The following DMTN variants were observed in gnomAD, a reference collection of about 807,000 sequenced individuals.
DMTN encodes dematin actin binding protein, also known as dematin.
In DMTN, 27 loss-of-function variants were observed where a neutral mutation model predicts 59.4. The ratio of observed to expected loss-of-function variants is 0.45; its 90% CI spans 0.33 to 0.63. The LOEUF (loss-of-function observed/expected upper bound fraction) is 0.63, where lower values mean the gene tolerates loss of function less well. Ranked by LOEUF, DMTN falls within the 20% of genes least tolerant of loss-of-function variation. The pLI is 0.02. For synonymous variants in DMTN, 221 were observed against 203.7 expected, an observed-to-expected ratio of 1.08 and a Z score of -0.72; for missense variants, 451 against 528.9, an observed-to-expected ratio of 0.85 and a Z score of 1.45.
At position 22,081,840 on chromosome 8, in the gene DMTN, G is replaced by T. The variant is rs142482023; in HGVS notation, c.*377G>T. On this transcript the variant is annotated 3_prime_UTR_variant, in exon 16 of 16. Coordinates refer to ENST00000358242, the MANE Select transcript of DMTN (RefSeq NM_001387751.1). ...GAGGGAAGATGCAGGGGTGGGAAGC[G>T]GCCAGGCAGAAAGAGCTCCAGGCTC... 4 of 470,064 alleles carry T rather than the reference G, an allele frequency of 8.5e-6. No individual in the cohort carries two copies. The highest frequency in any genetic ancestry group is 3.2e-4 in the Middle Eastern group (1 of 3,130). The allele number at this position is 470,064 out of a possible 1,614,324, so 29.1% of individuals were successfully genotyped here.
intron 10 of DMTN, among the ~76,000 whole-genome samples, chr8:22,076,417 CA>C (rs1204113431): frequency 2.6e-5 from 4 of 151,976 alleles, no homozygotes; most frequent in African/African-American, 7.3e-5. Context: ...TCAGTCTGGG[CA>C]ACGTAGTGAG....
intron 10 of DMTN, among the ~76,000 whole-genome samples, chr8:22,074,818 G>C (rs1818453116): frequency 6.6e-6 from 1 of 152,106 alleles, no homozygotes; most frequent in Non-Finnish European, 1.5e-5. Context: ...CACTACCCTG[G>C]GCTTCCTCAG....
At position 22,058,552 on chromosome 8, in the gene DMTN, G is replaced by A. The variant is rs746077014; in HGVS notation, c.-172+1416G>A. 1.5e-4 allele frequency among the ~76,000 whole-genome samples: 23 copies of A among 152,168 alleles called. No individual in the cohort carries two copies. Among genetic ancestry groups the A allele is most frequent in the African/African-American group, 2.4e-4 (10 of 41,420 alleles). On this transcript the variant is annotated intron_variant, in intron 1 of 15. Coordinates refer to ENST00000358242, the MANE Select transcript of DMTN (RefSeq NM_001387751.1). The surrounding 1 kb of genome is among the most constrained non-coding windows in gnomAD (Gnocchi z 4.3). ...TAGGAGAAGATGGCTGCACAGATGC[G>A]TCTCTGGGTGGGCTAGAGAGGCAGG...
chr8:22,062,692 A>C (rs1585764202), intron 1 of DMTN, among the ~76,000 whole-genome samples: 1 of 125,696 alleles, frequency 8.0e-6, no homozygotes, highest in African/African-American at 3.1e-5. Flanking sequence ...ATCCCTAACC[A>C]CGAGGCCACT....
Position 22,066,787 on chromosome 8 carries a change from G to T in DMTN, c.-89G>T. The stretch of plus-strand genomic sequence containing the variant: ...GCTTTCGCGGCCCCAAGCGCGCAGC[G>T]CCCAGCAGCCGCGCCGAGCCTGACA... On this transcript the variant is annotated 5_prime_UTR_variant, in exon 2 of 16. Transcript: ENST00000358242. 7.3e-7 allele frequency: 1 copy of T among 1,373,962 alleles called. No homozygotes were observed. The highest frequency in any genetic ancestry group is 9.5e-7 in the Non-Finnish European group (1 of 1,052,424). 85.1% of individuals were successfully genotyped at this position (1,373,962 alleles called of 1,614,324 possible). A position where few individuals can be genotyped will look rare whatever the true frequency, so the allele number is the denominator to read the frequency against.
chr8:22,080,944 G>A, intron 14 of DMTN, 74 bp downstream of exon 14: 1 of 1,515,682 alleles, frequency 6.6e-7, no homozygotes. Context: ...GGAATGTGCT[G>A]CGGGGTCTTC....
upstream of DMTN, chr8:22,049,008 T>G (rs1801046426): frequency 1.4e-5 from 2 of 147,892 alleles, no homozygotes; most frequent in South Asian, 4.2e-4. Context: ...GGCTCGGGTT[T>G]CCTGGGCTCG....
upstream of DMTN, among the ~76,000 whole-genome samples, chr8:22,050,861 A>G (rs1801283306): frequency 6.6e-6 from 1 of 152,100 alleles, no homozygotes. Context: ...AGGCACTGCC[A>G]TTCCCCAGGT....
At chr8:22,049,198 T>A, upstream of DMTN, 1 of 142,284 alleles carries the variant, frequency 7.0e-6, no homozygotes. Context: ...AGGAGCCTCC[T>A]CGGGCAGCGA....
intron 1 of DMTN, among the ~76,000 whole-genome samples, chr8:22,064,168 GGATA>G (rs528594827): frequency 2.0e-5 from 3 of 152,108 alleles, no homozygotes; most frequent in Non-Finnish European, 4.4e-5. Context: ...ATGGATGGAT[GGATA>G]GATGAATGCA....
intron 10 of DMTN, among the ~76,000 whole-genome samples, chr8:22,079,303 A>ATATATATATATATGTAG (rs67715172): frequency 5.7e-5 from 3 of 52,220 alleles, no homozygotes; most frequent in Non-Finnish European, 1.2e-4. Context: ...TATATATATT[A>ATATATATATATATGTAG]GCTGGGTTTG....
chr8:22,076,123 G>T (rs188334942), intron 10 of DMTN, among the ~76,000 whole-genome samples: 1 of 152,276 alleles, frequency 6.6e-6, no homozygotes, highest in African/African-American at 2.4e-5. Context: ...AAGAGAGGCG[G>T]ATTTTCAGGG....
At chr8:22,070,142 G>A (rs760183886) in intron 7 of DMTN, 40 bp from the exon 8 acceptor site, 12 of 1,559,168 alleles carry the variant, frequency 7.7e-6, no homozygotes, top group South Asian at 2.4e-5. Flanking sequence ...AGTTGGCCTC[G>A]GGCAGGGCAC....
At chr8:22,067,014 C>A (rs1585870449) in intron 2 of DMTN, 71 bp from the exon 3 acceptor site, 2 of 1,435,662 alleles carry the variant, frequency 1.4e-6, no homozygotes, top group Non-Finnish European at 1.8e-6. Flanking sequence ...GTCCCCCAGG[C>A]CTAGGGCCGC....
chr8:22,066,787 GC>G lies in DMTN; in HGVS notation c.-86del. On this transcript the variant is annotated 5_prime_UTR_variant, in exon 2 of 16. The change abolishes the stop of an existing upstream ORF in the 5' untranslated region. Transcript: ENST00000358242. ...GCTTTCGCGGCCCCAAGCGCGCAGC[GC>G]CCAGCAGCCGCGCCGAGCCTGACAC... 1 of 1,373,960 alleles carries G rather than the reference GC, an allele frequency of 7.3e-7. No individual in the cohort carries two copies. The highest frequency in any genetic ancestry group is 9.5e-7 in the Non-Finnish European group (1 of 1,052,424). 85.1% of individuals were successfully genotyped at this position (1,373,960 alleles called of 1,614,324 possible).
chr8:22,065,728 G>A (rs373705619), intron 1 of DMTN, among the ~76,000 whole-genome samples: 4 of 151,870 alleles, frequency 2.6e-5, no homozygotes, highest in East Asian at 2.0e-4. Flanking sequence ...CCAGCTACTC[G>A]GGAGGCTGAG....
chr8:22,051,523 G>A (rs910091146), upstream of DMTN, among the ~76,000 whole-genome samples: 2 of 152,050 alleles, frequency 1.3e-5, no homozygotes, highest in African/African-American at 4.8e-5. Context: ...GCAAAGAACC[G>A]TTTCTCCTTA....
chr8:22,081,102 C>G lies in DMTN; in HGVS notation c.1024-11C>G. On this transcript the variant is annotated splice_polypyrimidine_tract_variant and intron_variant, in intron 14 of 15. Coordinates refer to ENST00000358242, the MANE Select transcript of DMTN (RefSeq NM_001387751.1). ...CTGTGAGCCTAAGATTGCCCCTCCC[C>G]CCACCCCCAGATCTATCCCTATGAA... 2 of 790,266 alleles carry G rather than the reference C, an allele frequency of 2.5e-6. No individual in the cohort carries two copies. Among genetic ancestry groups the G allele is most frequent in the South Asian group, 1.3e-5 (1 of 75,030 alleles). The allele number at this position is 790,266 out of a possible 1,614,324, so 49.0% of individuals were successfully genotyped here. A position where few individuals can be genotyped will look rare whatever the true frequency, so the allele number is the denominator to read the frequency against.
Position 22,082,445 on chromosome 8 carries a change from G to A in DMTN, c.*982G>A. On this transcript the variant is annotated 3_prime_UTR_variant, in exon 16 of 16. Transcript: ENST00000358242. ...TGGGTATTGCTCCTGCCCAGACCCTGACATCCCTTTCCACTGTGTGTGTGA... is the reference window on the plus strand; with the variant it reads ...TGGGTATTGCTCCTGCCCAGACCCTAACATCCCTTTCCACTGTGTGTGTGA... 2.9e-6 allele frequency: 1 copy of A among 344,136 alleles called. No homozygotes were observed. Among genetic ancestry groups the A allele is most frequent in the South Asian group, 2.3e-5 (1 of 44,254 alleles). 21.3% of individuals were successfully genotyped at this position (344,136 alleles called of 1,614,324 possible).
Sources: gnomAD v4.1 joint callset for allele counts (sites outside exome capture counted in the v4.1 genomes callset) on GRCh38, gnomAD v4.1.1 for gene constraint, Gnocchi (gnomAD v3.1) non-coding constraint, MANE v1.5 for transcripts, NCBI Gene and HGNC (gene_info 2026-07-23, HGNC 2026-07-21) for gene names.